The following MVB12B variants were observed in gnomAD, a reference collection of about 807,000 sequenced individuals.
The protein encoded by MVB12B is multivesicular body subunit 12B, also known as ESCRT-I complex subunit MVB12B.
In MVB12B, 16 loss-of-function variants were observed where a neutral mutation model predicts 41.6. That is an observed-to-expected ratio of 0.38 (90% CI 0.26 to 0.58). MVB12B has a LOEUF of 0.58. Ranked by LOEUF, MVB12B falls within the 20% of genes least tolerant of loss-of-function variation. The pLI, the probability that MVB12B is intolerant of heterozygous loss-of-function variation, is 0.62. For synonymous variants in MVB12B, 133 were observed against 139.7 expected, an observed-to-expected ratio of 0.95 and a Z score of 0.34; for missense variants, 274 against 380.2, an observed-to-expected ratio of 0.72 and a Z score of 2.32.
At chr9:126,493,725 C>A (rs1470218173) in intron 9 of MVB12B, among the ~76,000 whole-genome samples, 4 of 152,200 alleles carry the variant, frequency 2.6e-5, no homozygotes, top group Non-Finnish European at 4.4e-5. Flanking sequence ...TTCCTAGGTG[C>A]TTTCTGTCTT....
intron 4 of MVB12B, among the ~76,000 whole-genome samples, chr9:126,390,284 TGCATCCAA>T (rs1830909952): frequency 1.3e-5 from 2 of 152,240 alleles, no homozygotes; most frequent in East Asian, 3.9e-4. Flanking sequence ...GTTGGCACAG[TGCATCCAA>T]CCCACATCCC....
intron 6 of MVB12B, chr9:126,397,485 G>T (rs1013937752): frequency 2.4e-5 from 24 of 985,300 alleles, no homozygotes; most frequent in Non-Finnish European, 2.9e-5. Context: ...CAAGGAAATC[G>T]GATCAGTTTT....
intron 1 of MVB12B, among the ~76,000 whole-genome samples, chr9:126,332,936 GTGTGTA>G (rs1829168602): frequency 6.6e-6 from 1 of 152,360 alleles, no homozygotes; most frequent in South Asian, 2.1e-4. Context: ...GAAAGGCTGT[GTGTGTA>G]TGTGTATGTG....
intron 3 of MVB12B, among the ~76,000 whole-genome samples, chr9:126,382,608 G>A (rs1830667982): frequency 6.6e-6 from 1 of 152,210 alleles, no homozygotes; most frequent in South Asian, 2.1e-4. Flanking sequence ...GTACCCAGGA[G>A]TGGGCTGAAG....
chr9:126,501,345 C>G (rs1833951895), intron 9 of MVB12B, among the ~76,000 whole-genome samples: 1 of 152,218 alleles, frequency 6.6e-6, no homozygotes, highest in Non-Finnish European at 1.5e-5. Context: ...GATGAGTTCA[C>G]TGAGGGCAGG....
At chr9:126,397,172 C>G in intron 6 of MVB12B, 2 of 985,524 alleles carry the variant, frequency 2.0e-6, no homozygotes, top group Non-Finnish European at 2.4e-6. Context: ...GAAGTTGTTA[C>G]AGCTGCTCCC....
At position 126,386,124 on chromosome 9, in the gene MVB12B, A is replaced by G. The variant is rs1026634646; in HGVS notation, c.313-438A>G. On this transcript the variant is annotated intron_variant, in intron 3 of 9. Transcript: ENST00000361171. The surrounding 1 kb of genome is among the most constrained non-coding windows in gnomAD (Gnocchi z 4.3). The stretch of plus-strand genomic sequence containing the variant: ...TGTGTCAGTATGCAGACTGGTGATC[A>G]CTTAGGAGAGTGATTGGTTCCCTGT... Among the ~76,000 whole-genome samples, 1 of 152,198 alleles carries G rather than the reference A, an allele frequency of 6.6e-6. No individual in the cohort carries two copies. Among genetic ancestry groups the G allele is most frequent in the African/African-American group, 2.4e-5 (1 of 41,450 alleles).
intron 7 of MVB12B, among the ~76,000 whole-genome samples, chr9:126,431,236 C>T (rs759306937): frequency 2.0e-5 from 3 of 152,196 alleles, no homozygotes; most frequent in South Asian, 2.1e-4. Flanking sequence ...CAGCTCAGTA[C>T]CCCCTGGAAG....
chr9:126,434,659 G>A (rs771357739), intron 7 of MVB12B, among the ~76,000 whole-genome samples: 3 of 152,152 alleles, frequency 2.0e-5, no homozygotes, highest in Non-Finnish European at 4.4e-5. Context: ...TTTCACTCCT[G>A]TGAGAAGGTC....
At chr9:126,443,013 A>G (rs1832678739) in intron 7 of MVB12B, among the ~76,000 whole-genome samples, 2 of 152,172 alleles carry the variant, frequency 1.3e-5, no homozygotes, top group African/African-American at 4.8e-5. Context: ...GACATCAGGC[A>G]CCTTCCTAGA....
At chr9:126,446,469 A>C (rs10819159) in intron 7 of MVB12B, among the ~76,000 whole-genome samples, 31,428 of 149,048 alleles carry the variant, frequency 0.21, 3,859 homozygotes, top group Non-Finnish European at 0.28. Context: ...AAATATTTCT[A>C]AAATATTTAA....
chr9:126,378,379 C>G (rs1830541062), intron 2 of MVB12B, among the ~76,000 whole-genome samples: 1 of 152,186 alleles, frequency 6.6e-6, no homozygotes, highest in South Asian at 2.1e-4. Context: ...GTTGGGAAGA[C>G]ACCTCTGGGT....
chr9:126,417,590 T>G (rs61461168), intron 6 of MVB12B, among the ~76,000 whole-genome samples: 206 of 152,284 alleles, frequency 1.4e-3, no homozygotes, highest in African/African-American at 4.8e-3. Flanking sequence ...AACCCAGGAG[T>G]TTTAGTGAGC....
intron 2 of MVB12B, among the ~76,000 whole-genome samples, chr9:126,369,011 G>A (rs1171924439): frequency 6.6e-6 from 1 of 152,196 alleles, no homozygotes; most frequent in African/African-American, 2.4e-5. Flanking sequence ...TAACGGGTGT[G>A]TGATGCTCCG....
chr9:126,384,834 A>ATT (rs11299290), intron 3 of MVB12B, among the ~76,000 whole-genome samples: 1 of 111,062 alleles, frequency 9.0e-6, no homozygotes, highest in African/African-American at 3.5e-5. Context: ...TGCCTGGCAG[A>ATT]TTTTTTTTTT....
Position 126,391,968 on chromosome 9 carries a change from G to C in MVB12B, c.410-98G>C. The C allele has an allele frequency of 7.0e-7, 1 of 1,424,600 alleles. No individual in the cohort carries two copies. Among genetic ancestry groups the C allele is most frequent in the Non-Finnish European group, 9.8e-7 (1 of 1,022,774 alleles). The allele number at this position is 1,424,600 out of a possible 1,614,324, so 88.2% of individuals were successfully genotyped here. A position where few individuals can be genotyped will look rare whatever the true frequency, so the allele number is the denominator to read the frequency against. On this transcript the variant is annotated intron_variant, in intron 4 of 9. Transcript: ENST00000361171. The surrounding 1 kb of genome is among the most constrained non-coding windows in gnomAD (Gnocchi z 4.4). ...GCAGCTTAGGTGACCTGCCACTTCT[G>C]CTGCCAGGAATAGGGCGTGACAGGG...
chr9:126,457,140 A>AC (rs1564338417), intron 7 of MVB12B, among the ~76,000 whole-genome samples: 4 of 151,472 alleles, frequency 2.6e-5, no homozygotes. Context: ...CCCTCAGCCC[A>AC]CCCTCCCCTT....
At chr9:126,327,248 G>A (rs1197578706) in intron 1 of MVB12B, 2 of 984,676 alleles carry the variant, frequency 2.0e-6, no homozygotes, top group Admixed American at 6.2e-5. Context: ...CGAGAGGCGG[G>A]AGAAGCTGGG....
At chr9:126,411,643 G>A (rs181129638) in intron 6 of MVB12B, among the ~76,000 whole-genome samples, 1 of 152,036 alleles carries the variant, frequency 6.6e-6, no homozygotes, top group Admixed American at 6.5e-5. Flanking sequence ...ATTACAAAAC[G>A]AAACAAAAAA....
Sources: gnomAD v4.1 joint callset for allele counts (sites outside exome capture counted in the v4.1 genomes callset) on GRCh38, gnomAD v4.1.1 for gene constraint, Gnocchi (gnomAD v3.1) non-coding constraint, MANE v1.5 for transcripts, NCBI Gene and HGNC (gene_info 2026-07-23, HGNC 2026-07-21) for gene names.